Variants in PLEKHA5 observed in about 807,000 individuals in gnomAD.
PLEKHA5 encodes pleckstrin homology domain containing A5.
In PLEKHA5, 55 loss-of-function variants were observed where a neutral mutation model predicts 181.9. That is an observed-to-expected ratio of 0.30 (90% CI 0.24 to 0.38). PLEKHA5 has a LOEUF of 0.38. Among genes scored for constraint, PLEKHA5 ranks in the 10% least tolerant of loss-of-function variants. The probability of loss-of-function intolerance (pLI) is 1.00; values close to 1 mark genes in which losing one functional copy is unlikely to be tolerated. For missense variants in PLEKHA5, 1,432 were observed against 1,549.5 expected (o/e 0.92, Z 1.27); for synonymous variants, 535 against 529.4 (o/e 1.01, Z -0.15).
chr12:19,279,725 C>T lies in PLEKHA5; in HGVS notation c.1314-3555C>T, dbSNP rs145237929. Among the ~76,000 whole-genome samples the T allele has an allele frequency of 6.3e-3, 957 of 151,580 alleles. 4 individuals are homozygous for T. The highest frequency in any genetic ancestry group is 0.011 in the Non-Finnish European group (735 of 67,886). On this transcript the variant is annotated intron_variant, in intron 11 of 31. Transcript: ENST00000429027. ...TGGTCTTTTCTCCCCTACTCCCCTA[C>T]CCTGCCCCCAATATTCTGAAAGCCC...
In PLEKHA5 at chr12:19,274,649, G is replaced by C. The variant is rs771443913; in HGVS notation, c.979G>C (p.Ala327Pro). ...AATGAGCAAAATTGAAGAAAAAAAG[G>C]CATTAGAAGCTGAAAAATATGGATT... is the stretch of plus-strand genomic sequence containing the variant. ...KEMSKIEEKK[A>P]LEAEKYGFQK... The change falls in exon 11 of 32, where the codon GCA becomes CCA. Residue 327 changes from alanine (A) to proline (P), a missense_variant. Around this residue, in one of 2 missense-constraint regions of PLEKHA5, gnomAD observed 1,143 missense variants for 1,168.4 expected, o/e 0.98. Transcript: ENST00000429027. 3.1e-6 allele frequency: 5 copies of C among 1,613,424 alleles called. No individual in the cohort carries two copies. In the African/African-American group the frequency reaches 6.7e-5, roughly 22 times the overall value.
intron 3 of PLEKHA5, chr12:19,153,459 C>T (rs1280480542): frequency 6.6e-6 from 1 of 152,070 alleles, no homozygotes; most frequent in Non-Finnish European, 1.5e-5. Flanking sequence ...TTTTAGAGCA[C>T]TTTTAGGTTC....
chr12:19,179,512 T>A (rs933999188), intron 3 of PLEKHA5, among the ~76,000 whole-genome samples: 18 of 151,990 alleles, frequency 1.2e-4, no homozygotes, highest in Admixed American at 9.2e-4. Flanking sequence ...ATAACAAAAT[T>A]AGCCTGGCGT....
intron 3 of PLEKHA5, among the ~76,000 whole-genome samples, chr12:19,191,758 T>A (rs891998442): frequency 1.3e-5 from 2 of 152,182 alleles, no homozygotes; most frequent in African/African-American, 2.4e-5. Context: ...GGCTTTAGTC[T>A]CTGCAAGCTT....
At chr12:19,264,637 A>G (rs978062946) in intron 7 of PLEKHA5, among the ~76,000 whole-genome samples, 6 of 152,304 alleles carry the variant, frequency 3.9e-5, no homozygotes, top group Non-Finnish European at 7.4e-5. Flanking sequence ...AATAGTAAAA[A>G]CAAAATTTTG....
At chr12:19,164,197 G>GTTT (rs59712166) in intron 3 of PLEKHA5, among the ~76,000 whole-genome samples, 8 of 92,814 alleles carry the variant, frequency 8.6e-5, no homozygotes, top group South Asian at 4.1e-4. Context: ...AGATGTTTTT[G>GTTT]TTTTTTTTTT....
chr12:19,350,871 A>T (rs1171463655), intron 25 of PLEKHA5, among the ~76,000 whole-genome samples: 2 of 152,122 alleles, frequency 1.3e-5, no homozygotes, highest in Non-Finnish European at 2.9e-5. Flanking sequence ...GTCGTTTTTT[A>T]AATTTAAAAA....
intron 15 of PLEKHA5, among the ~76,000 whole-genome samples, chr12:19,314,350 G>A (rs1052349791): frequency 3.3e-5 from 5 of 152,086 alleles, no homozygotes; most frequent in Non-Finnish European, 7.4e-5. Context: ...GACACATTCA[G>A]TATATTATAT....
At position 19,274,531 on chromosome 12, in the gene PLEKHA5, A is replaced by G. The variant is rs1592283498; in HGVS notation, c.861A>G (p.Thr287=). The stretch of plus-strand genomic sequence containing the variant: ...CTGATTTCAGAGTGGACAAGATTAC[A>G]TCTGAAAATGCACCAACTAAAGAAA... ...ITFNFRVDKI[T]SENAPTKETN... The change falls in exon 11 of 32, where the codon ACA becomes ACG. Residue 287 remains threonine, a synonymous_variant. Transcript: ENST00000429027. 5.0e-6 allele frequency: 8 copies of G among 1,599,066 alleles called. No homozygotes were observed. Among genetic ancestry groups the G allele is most frequent in the Non-Finnish European group, 6.8e-6 (8 of 1,169,768 alleles).
intron 3 of PLEKHA5, among the ~76,000 whole-genome samples, chr12:19,156,602 A>G (rs1048370397): frequency 6.6e-6 from 1 of 151,898 alleles, no homozygotes; most frequent in African/African-American, 2.4e-5. Flanking sequence ...GCAATTTTTC[A>G]TTATATGGCC....
intron 3 of PLEKHA5, chr12:19,151,186 A>C (rs1007034296): frequency 1.3e-5 from 2 of 152,288 alleles, no homozygotes; most frequent in African/African-American, 4.8e-5. Context: ...GATGGGAGAA[A>C]GTCCTTAACA....
At chr12:19,261,674 G>C (rs2068541126) in intron 7 of PLEKHA5, among the ~76,000 whole-genome samples, 1 of 152,096 alleles carries the variant, frequency 6.6e-6, no homozygotes, top group African/African-American at 2.4e-5. Flanking sequence ...GATGAATCTG[G>C]ATAATCTCTC....
chr12:19,299,946 A>T (rs2080991436), intron 15 of PLEKHA5, among the ~76,000 whole-genome samples: 1 of 152,106 alleles, frequency 6.6e-6, no homozygotes, highest in Non-Finnish European at 1.5e-5. Context: ...TTCCTCCCCC[A>T]TAAACCCGTT....
chr12:19,359,126 T>G (rs1249082300), intron 27 of PLEKHA5, among the ~76,000 whole-genome samples: 1 of 152,134 alleles, frequency 6.6e-6, no homozygotes, highest in African/African-American at 2.4e-5. Flanking sequence ...ATCCCCTCTT[T>G]CCACCGAATC....
At chr12:19,200,257 AGATATT>A in intron 3 of PLEKHA5, 2 of 1,104,934 alleles carry the variant, frequency 1.8e-6, no homozygotes, top group South Asian at 2.8e-5. Flanking sequence ...AAATATGTAT[AGATATT>A]ATGTACCAAT....
intron 3 of PLEKHA5, among the ~76,000 whole-genome samples, chr12:19,232,240 T>G (rs1466963845): frequency 6.6e-6 from 1 of 152,124 alleles, no homozygotes; most frequent in East Asian, 1.9e-4. Flanking sequence ...TCTCTAAATT[T>G]TGTTGGTTAT....
At chr12:19,301,121 G>A (rs150696377) in intron 15 of PLEKHA5, among the ~76,000 whole-genome samples, 2 of 152,192 alleles carry the variant, frequency 1.3e-5, no homozygotes, top group East Asian at 1.9e-4. Context: ...TTGCATTCCA[G>A]CCTGGGCAAC....
At position 19,249,734 on chromosome 12, in the gene PLEKHA5, G is replaced by A. The variant is rs1052597435; in HGVS notation, c.228-4206G>A. ...GTTGAGACACAGAGAGGTAAAGTAAGTTGCCAAAGATCACCTAGCTATTAA... is the reference window on the plus strand; with the variant it reads ...GTTGAGACACAGAGAGGTAAAGTAAATTGCCAAAGATCACCTAGCTATTAA... On this transcript the variant is annotated intron_variant, in intron 3 of 31. Coordinates refer to ENST00000429027, the MANE Select transcript of PLEKHA5 (RefSeq NM_001256470.2). Among the ~76,000 whole-genome samples, 6 of 152,172 alleles carry A rather than the reference G, an allele frequency of 3.9e-5. No individual in the cohort carries two copies. The South Asian group carries it at 8.3e-4, about 21-fold the overall frequency.
chr12:19,289,489 C>A (rs2077933172), intron 13 of PLEKHA5, among the ~76,000 whole-genome samples: 1 of 150,310 alleles, frequency 6.7e-6, no homozygotes. Flanking sequence ...TTTAAGAGTA[C>A]ATTGCAGCAC....
Sources: allele counts gnomAD v4.1 joint callset (sites outside exome capture counted in the v4.1 genomes callset), GRCh38; gene constraint gnomAD v4.1.1; regional missense constraint gnomAD v4.1.1; transcripts MANE v1.5; gene names NCBI Gene and HGNC (gene_info 2026-07-23, HGNC 2026-07-21).